BDH1: variants seen among roughly 807,000 people sequenced by gnomAD.
BDH1 encodes the protein D-beta-hydroxybutyrate dehydrogenase, mitochondrial.
In BDH1, 30 loss-of-function variants were observed where a neutral mutation model predicts 33.1. The observed-to-expected ratio is 0.91, with a 90% CI of 0.68 to 1.23. The LOEUF is 1.23. BDH1 is among the 50% of genes most tolerant of loss of function. The pLI, the probability that BDH1 is intolerant of heterozygous loss-of-function variation, is 0.00. For synonymous variants in BDH1, 190 were observed against 183.6 expected (o/e 1.03, Z -0.28); for missense variants, 443 against 464.4 (o/e 0.95, Z 0.42).
At chr3:197,534,848 C>T (rs1715007362) in intron 3 of BDH1, among the ~76,000 whole-genome samples, 1 of 152,126 alleles carries the variant, frequency 6.6e-6, no homozygotes, top group African/African-American at 2.4e-5. Flanking sequence ...AACATCTTTT[C>T]ATGTTTATTT....
chr3:197,552,124 G>A (rs1344957759), intron 2 of BDH1, among the ~76,000 whole-genome samples: 2 of 152,144 alleles, frequency 1.3e-5, no homozygotes, highest in East Asian at 1.9e-4. Context: ...TGCAACCTGT[G>A]CAAAACTGAG....
At position 197,516,595 on chromosome 3, in the gene BDH1, C is replaced by T. The variant is rs943611056; in HGVS notation, c.410-2179G>A. 7.2e-5 allele frequency among the ~76,000 whole-genome samples: 11 copies of T among 152,046 alleles called. No homozygotes were observed. The highest frequency in any genetic ancestry group is 1.9e-4 in the East Asian group (1 of 5,186). On this transcript the variant is annotated intron_variant, in intron 6 of 7. Coordinates refer to ENST00000392379, the MANE Select transcript of BDH1 (RefSeq NM_203314.3). The surrounding 1 kb of genome is among the most constrained non-coding windows in gnomAD (Gnocchi z 4.2). Reference sequence around the variant, plus strand: ...GCCCCTCAGTTCTCCTTGGGAGTCACGGCTCTCTCTCCTCATCCCATCTCC... The same window carrying T: ...GCCCCTCAGTTCTCCTTGGGAGTCATGGCTCTCTCTCCTCATCCCATCTCC...
At chr3:197,558,064 G>A (rs1717134599), upstream of BDH1, among the ~76,000 whole-genome samples, 1 of 152,260 alleles carries the variant, frequency 6.6e-6, no homozygotes, top group Admixed American at 6.5e-5. Flanking sequence ...CTGACTCTGA[G>A]AATTAAACTG....
At chr3:197,559,689 T>G (rs145707286), upstream of BDH1, among the ~76,000 whole-genome samples, 611 of 152,358 alleles carry the variant, frequency 4.0e-3, 7 homozygotes, top group Non-Finnish European at 6.3e-3. Context: ...TCTCCTTTAT[T>G]TCCCAAAGGC....
At chr3:197,564,098 TAAAAA>T (rs71164298) in intron 1 of BDH1, among the ~76,000 whole-genome samples, 1 of 109,066 alleles carries the variant, frequency 9.2e-6, no homozygotes. Context: ...AGACTTCATC[TAAAAA>T]AAAAAAAAAA....
rs371980616 is a variant in BDH1 at position 197,514,221 on chromosome 3, G to T, written c.562+43C>A. The T allele has an allele frequency of 1.2e-5, 19 of 1,581,326 alleles. No individual in the cohort carries two copies. In the East Asian group the frequency reaches 1.4e-4, roughly 11 times the overall value. On this transcript the variant is annotated intron_variant, in intron 7 of 7. Transcript: ENST00000392379. The surrounding 1 kb of genome is among the most constrained non-coding windows in gnomAD (Gnocchi z 4.2). ...CCATTCTGAGCAAAGATGAACACGT[G>T]GGGCAGGTTCAGGGGCAGGAGGGAG... is the stretch of plus-strand genomic sequence containing the variant.
At chr3:197,569,197 GAAGA>G (rs963489620) in intron 1 of BDH1, among the ~76,000 whole-genome samples, 1 of 152,028 alleles carries the variant, frequency 6.6e-6, no homozygotes, top group African/African-American at 2.4e-5. Context: ...TTCTTTCTTT[GAAGA>G]AAGGGATTTT....
chr3:197,548,974 G>A (rs1178686172), intron 2 of BDH1, among the ~76,000 whole-genome samples: 1 of 152,216 alleles, frequency 6.6e-6, no homozygotes, highest in East Asian at 1.9e-4. Flanking sequence ...TTCCACTGCA[G>A]GGCTCCCAAA....
At chr3:197,530,204 T>C (rs973444376) in intron 5 of BDH1, 2 of 152,222 alleles carry the variant, frequency 1.3e-5, no homozygotes, top group Admixed American at 6.5e-5. Flanking sequence ...GCTTGATGCA[T>C]ACTCTGTTGG....
intron 3 of BDH1, among the ~76,000 whole-genome samples, chr3:197,544,592 G>A (rs138536769): frequency 2.0e-5 from 3 of 152,250 alleles, no homozygotes; most frequent in Non-Finnish European, 4.4e-5. Context: ...GCCGAGCTCC[G>A]TCCCCGCTCT....
At chr3:197,539,193 G>A (rs1485973014) in intron 3 of BDH1, among the ~76,000 whole-genome samples, 1 of 152,210 alleles carries the variant, frequency 6.6e-6, no homozygotes, top group Non-Finnish European at 1.5e-5. Context: ...TTGTCACCCA[G>A]GCTAGAGTGC....
chr3:197,538,878 T>C (rs796644560), intron 3 of BDH1: 12 of 154,318 alleles, frequency 7.8e-5, no homozygotes, highest in African/African-American at 2.9e-4. Flanking sequence ...GATAGTGTGG[T>C]CGGTACACCC....
chr3:197,522,614 C>T lies in BDH1; in HGVS notation c.409+26G>A. ...CCCTTGGAATGGCCCCATACACAAC[C>T]CCTGCCGTCCGAAGGGGCGCCCTAC... is the stretch of plus-strand genomic sequence containing the variant. On this transcript the variant is annotated intron_variant, in intron 6 of 7. Transcript: ENST00000392379. The surrounding 1 kb of genome is among the most constrained non-coding windows in gnomAD (Gnocchi z 4.8). 6.2e-7 allele frequency: 1 copy of T among 1,612,834 alleles called. No homozygotes were observed. The highest frequency in any genetic ancestry group is 8.5e-7 in the Non-Finnish European group (1 of 1,179,384).
rs2108725888 is a variant in BDH1, at chr3:197,522,478, T to A, written c.409+162A>T. ...TTTCCATTGCCCTATTGCACGTGTA[T>A]GTTTAGTGTAATCCTCTTCCTCCTA... On this transcript the variant is annotated intron_variant, in intron 6 of 7. Transcript: ENST00000392379. This position sits in a 1 kb window ranked among gnomAD's most constrained non-coding sequence, Gnocchi z 4.8. 6.6e-6 allele frequency among the ~76,000 whole-genome samples: 1 copy of A among 152,324 alleles called. No individual in the cohort carries two copies. The highest frequency in any genetic ancestry group is 2.1e-4 in the South Asian group (1 of 4,822).
chr3:197,529,660 T>G (rs1227393493), intron 5 of BDH1: 1 of 152,240 alleles, frequency 6.6e-6, no homozygotes, highest in African/African-American at 2.4e-5. Flanking sequence ...GTAGTATTAC[T>G]TTCACAATTC....
chr3:197,522,518 G>T lies in BDH1; in HGVS notation c.409+122C>A. ...TCTTCCTCCTACTGTGCAGGAGGAA[G>T]AGCCTAAACAATAAGGAAGGGAGTG... On this transcript the variant is annotated intron_variant, in intron 6 of 7. Transcript: ENST00000392379. This position sits in a 1 kb window ranked among gnomAD's most constrained non-coding sequence, Gnocchi z 4.8. The T allele has an allele frequency of 7.9e-7, 1 of 1,271,972 alleles. No homozygotes were observed. Among genetic ancestry groups the T allele is most frequent in the Non-Finnish European group, 1.1e-6 (1 of 906,576 alleles). The allele number at this position is 1,271,972 out of a possible 1,614,324, so 78.8% of individuals were successfully genotyped here.
At chr3:197,561,693 C>A (rs914289931) in intron 1 of BDH1, among the ~76,000 whole-genome samples, 5 of 152,110 alleles carry the variant, frequency 3.3e-5, no homozygotes. Context: ...CTCTTCCAGA[C>A]TTGGTCCAAT....
chr3:197,572,164 T>C (rs192017319), intron 1 of BDH1, among the ~76,000 whole-genome samples: 19 of 152,258 alleles, frequency 1.2e-4, no homozygotes, highest in Admixed American at 8.5e-4. Flanking sequence ...ACAAGTTTTA[T>C]TGTGGATCTT....
chr3:197,543,933 T>C (rs1331561814), intron 3 of BDH1, among the ~76,000 whole-genome samples: 1 of 152,060 alleles, frequency 6.6e-6, no homozygotes. Flanking sequence ...GGAGAAAAGA[T>C]TTCTCCTCAA....
Sources: allele counts gnomAD v4.1 joint callset (sites outside exome capture counted in the v4.1 genomes callset), GRCh38; gene constraint gnomAD v4.1.1; non-coding constraint Gnocchi (gnomAD v3.1); transcripts MANE v1.5; gene names NCBI Gene and HGNC (gene_info 2026-07-23, HGNC 2026-07-21).